Variants in RHOF observed in about 807,000 individuals in gnomAD.
RHOF encodes rho-related GTP-binding protein RhoF.
Under a neutral mutation model 22.2 loss-of-function variants are expected in RHOF, and 21 were observed. The observed-to-expected ratio is 0.95, with a 90% CI of 0.67 to 1.36. The LOEUF (loss-of-function observed/expected upper bound fraction) is 1.36, where lower values mean the gene tolerates loss of function less well. RHOF is among the 40% of genes most tolerant of loss of function. The probability of loss-of-function intolerance (pLI) is 0.00; values close to 1 mark genes in which losing one functional copy is unlikely to be tolerated. For missense variants in RHOF, 285 were observed against 293.7 expected (o/e 0.97, Z 0.22); for synonymous variants, 135 against 131.2 (o/e 1.03, Z -0.20).
intron 2 of RHOF, chr12:121,782,524 G>A (rs12310051): frequency 0.2 from 29,921 of 152,124 alleles, 3,395 homozygotes; most frequent in African/African-American, 0.31. Context: ...TGCCCTGTCC[G>A]CAGCTGTTGC....
intron 2 of RHOF, among the ~76,000 whole-genome samples, chr12:121,789,375 G>A (rs1474098694): frequency 6.6e-6 from 1 of 152,162 alleles, no homozygotes; most frequent in East Asian, 1.9e-4. Context: ...GGGCTGGGCG[G>A]AAGGGAGGCT....
chr12:121,788,082 C>T (rs911235377), intron 2 of RHOF, among the ~76,000 whole-genome samples: 4 of 152,070 alleles, frequency 2.6e-5, no homozygotes, highest in African/African-American at 9.7e-5. Context: ...GCTCAAAGCC[C>T]TTCACCTGGA....
rs1253073157 is a variant in RHOF at position 121,779,419 on chromosome 12, TG to T, written c.*78del. 6 of 1,498,444 alleles carry T rather than the reference TG, an allele frequency of 4.0e-6. 1 individual carries two copies. In the South Asian group the frequency reaches 7.0e-5, roughly 18 times the overall value. 92.8% of individuals were successfully genotyped at this position (1,498,444 alleles called of 1,614,324 possible). On this transcript the variant is annotated 3_prime_UTR_variant, in exon 5 of 5. Transcript: ENST00000267205. Reference sequence around the variant, plus strand: ...GACACCATGAGCTGGAGGGTCGGGATGGGGCAGCCTCCCTGGTGCAATCGGC... The same window carrying T: ...GACACCATGAGCTGGAGGGTCGGGATGGGCAGCCTCCCTGGTGCAATCGGC...
At chr12:121,792,190 G>A (rs1369511564) in intron 2 of RHOF, among the ~76,000 whole-genome samples, 4 of 146,282 alleles carry the variant, frequency 2.7e-5, no homozygotes, top group African/African-American at 1.1e-4. Context: ...CTCCATCCTA[G>A]GTCAGTGTCT....
intron 2 of RHOF, among the ~76,000 whole-genome samples, chr12:121,792,255 G>A (rs910690494): frequency 2.0e-5 from 3 of 152,236 alleles, no homozygotes; most frequent in Non-Finnish European, 2.9e-5. Context: ...ACCGGATGAC[G>A]TGGTTCCCTG....
Position 121,779,430 on chromosome 12 carries a change from C to T in RHOF, c.*68G>A. On this transcript the variant is annotated 3_prime_UTR_variant, in exon 5 of 5. Coordinates refer to ENST00000267205, the MANE Select transcript of RHOF (RefSeq NM_019034.3). Reference sequence around the variant, plus strand: ...CTGGAGGGTCGGGATGGGGCAGCCTCCCTGGTGCAATCGGCACCTGGGCCC... The same window carrying T: ...CTGGAGGGTCGGGATGGGGCAGCCTTCCTGGTGCAATCGGCACCTGGGCCC... 3.2e-6 allele frequency: 5 copies of T among 1,561,460 alleles called. No homozygotes were observed. In the South Asian group the frequency reaches 5.6e-5, roughly 18 times the overall value.
At chr12:121,789,218 A>G (rs1042091027) in intron 2 of RHOF, among the ~76,000 whole-genome samples, 76 of 149,250 alleles carry the variant, frequency 5.1e-4, no homozygotes, top group African/African-American at 1.8e-3. Flanking sequence ...TGACAGAGCG[A>G]GACCCTGTCT....
chr12:121,786,497 G>GC (rs1874613040), intron 2 of RHOF, among the ~76,000 whole-genome samples: 1 of 152,182 alleles, frequency 6.6e-6, no homozygotes. Flanking sequence ...GAAGAAGTCA[G>GC]CCCCGGGGCG....
Position 121,778,585 on chromosome 12 carries a change from A to AG in RHOF, c.*912dup, listed in dbSNP as rs775248318. 6.6e-6 allele frequency: 1 copy of AG among 151,500 alleles called. No homozygotes were observed. The highest frequency in any genetic ancestry group is 1.5e-5 in the Non-Finnish European group (1 of 67,870). 9.4% of individuals were successfully genotyped at this position (151,500 alleles called of 1,614,324 possible). On this transcript the variant is annotated 3_prime_UTR_variant, in exon 5 of 5. Coordinates refer to ENST00000267205, the MANE Select transcript of RHOF (RefSeq NM_019034.3). Reference sequence around the variant, plus strand: ...TTCTGAGAAACTGTCCCGCGTGGACAGGGGGTAGATCCCATCAGTTCTCAA... The same window carrying AG: ...TTCTGAGAAACTGTCCCGCGTGGACAGGGGGGTAGATCCCATCAGTTCTCAA...
In RHOF at chr12:121,780,702, G is replaced by GTAA. The variant is rs1874418653; in HGVS notation, c.471+167_471+169dup. ...AGTCCTAAGGATTGGGAGTAGTCGT[G>GTAA]TAAAGTGCTCAGGTCCACAGGCCAT... On this transcript the variant is annotated intron_variant, in intron 4 of 4. Transcript: ENST00000267205. 3 of 740,072 alleles carry GTAA rather than the reference G, an allele frequency of 4.1e-6. No individual in the cohort carries two copies. In the East Asian group the frequency reaches 8.2e-5, roughly 20 times the overall value. 45.8% of individuals were successfully genotyped at this position (740,072 alleles called of 1,614,324 possible). A position where few individuals can be genotyped will look rare whatever the true frequency, so the allele number is the denominator to read the frequency against.
rs750313311 is a variant in RHOF, at chr12:121,780,916, G to C, written c.427C>G (p.Arg143Gly). 6.2e-7 allele frequency: 1 copy of C among 1,613,794 alleles called. No homozygotes were observed. The highest frequency in any genetic ancestry group is 1.3e-5 in the African/African-American group (1 of 74,910). Residue 143 changes from arginine to glycine, a missense_variant, in exon 4 of 5, where the codon CGG becomes GGG. Transcript: ENST00000267205. Reference protein sequence around the residue: ...TDLRKDKEQLRKLRAAQLEPI... With the variant: ...TDLRKDKEQLGKLRAAQLEPI... ...TCCAGCTGGGCGGCCCGGAGCTTCC[G>C]CAGCTGCTCCTTGTCCTTCCTCAGG...
At chr12:121,782,493 G>A (rs1874497166) in intron 2 of RHOF, 1 of 151,860 alleles carries the variant, frequency 6.6e-6, no homozygotes, top group Admixed American at 6.6e-5. Context: ...AACAAGGAAC[G>A]TGGAGGCCCA....
Position 121,779,582 on chromosome 12 carries a change from G to A in RHOF, c.552C>T (p.Val184=). The change falls in exon 5 of 5, where the codon GTC becomes GTT. Residue 184 remains valine (V), a synonymous_variant. Transcript: ENST00000267205. ...SAKFRENVED[V]FREAAKVALS... is the part of the protein sequence containing the mutation. ...GAGCCACCTTGGCGGCCTCCCGGAA[G>A]ACGTCCTCCACATTCTCCCGAAACT... 2 of 1,614,192 alleles carry A rather than the reference G, an allele frequency of 1.2e-6. No individual in the cohort carries two copies. The highest frequency in any genetic ancestry group is 1.7e-6 in the Non-Finnish European group (2 of 1,180,044).
chr12:121,784,862 A>G (rs1874564988), intron 2 of RHOF, among the ~76,000 whole-genome samples: 1 of 152,244 alleles, frequency 6.6e-6, no homozygotes, highest in South Asian at 2.1e-4. Context: ...GGCCGGAGTG[A>G]ACAGGTACAT....
intron 1 of RHOF, 109 bp from the exon 2 acceptor site, chr12:121,793,348 C>T (rs1874815349): frequency 2.1e-6 from 3 of 1,430,818 alleles, no homozygotes; most frequent in Non-Finnish European, 2.9e-6. Flanking sequence ...CCCCCCCTCA[C>T]CCCGCTGGGC....
At chr12:121,780,540 C>T in intron 4 of RHOF, 1 of 462,596 alleles carries the variant, frequency 2.2e-6, no homozygotes, top group East Asian at 3.4e-5. Flanking sequence ...ATAGCACAGA[C>T]TTTGGATTGC....
Position 121,793,657 on chromosome 12 carries a change from G to A in RHOF, c.-24C>T, listed in dbSNP as rs1197440439. The stretch of plus-strand genomic sequence containing the variant: ...ATTGCCCGGAGCCCGCAGCACTGGC[G>A]GCGGCGCGCCGGGCACTAGCGGAGC... On this transcript the variant is annotated 5_prime_UTR_variant, in exon 1 of 5. Coordinates refer to ENST00000267205, the MANE Select transcript of RHOF (RefSeq NM_019034.3). 3.3e-6 allele frequency: 5 copies of A among 1,516,454 alleles called. No individual in the cohort carries two copies. In the Admixed American group the frequency reaches 6.1e-5, roughly 19 times the overall value. 93.9% of individuals were successfully genotyped at this position (1,516,454 alleles called of 1,614,324 possible).
In RHOF at chr12:121,780,956, G is replaced by A. The variant is rs760874745; in HGVS notation, c.387C>T (p.Ile129=). 1.2e-5 allele frequency: 20 copies of A among 1,614,020 alleles called. No individual in the cohort carries two copies. Among genetic ancestry groups the A allele is most frequent in the Non-Finnish European group, 1.6e-5 (19 of 1,180,010 alleles). ...HFCRGIPMVL[I]GCKTDLRKDK... is the part of the protein sequence containing the mutation. ...CCTTCCTCAGGTCTGTCTTGCAGCC[G>A]ATGAGCACCATGGGGATCCCGCGGC... The change falls in exon 4 of 5, where the codon ATC becomes ATT. Residue 129 remains isoleucine, a synonymous_variant. Transcript: ENST00000267205.
chr12:121,788,354 C>T (rs575135667), intron 2 of RHOF, among the ~76,000 whole-genome samples: 2 of 152,100 alleles, frequency 1.3e-5, no homozygotes, highest in Non-Finnish European at 2.9e-5. Context: ...AGAAAGAGGG[C>T]CTCTGGAAAG....
Sources: gnomAD v4.1 joint callset for allele counts (sites outside exome capture counted in the v4.1 genomes callset) on GRCh38, gnomAD v4.1.1 for gene constraint, MANE v1.5 for transcripts, NCBI Gene and HGNC (gene_info 2026-07-23, HGNC 2026-07-21) for gene names.